ADAMTS3: variants seen among roughly 807,000 people sequenced by gnomAD.
The protein encoded by ADAMTS3 is A disintegrin and metalloproteinase with thrombospondin motifs 3.
In ADAMTS3, 73 loss-of-function variants were observed where a neutral mutation model predicts 129.0. That is an observed-to-expected ratio of 0.57 (90% confidence interval 0.47 to 0.69). ADAMTS3 has a LOEUF of 0.69. ADAMTS3 is among the 30% of genes least tolerant of loss of function. ADAMTS3 has a pLI of 0.00. For missense variants in ADAMTS3, 1,457 were observed against 1,514.5 expected, an observed-to-expected ratio of 0.96 and a Z score of 0.63; for synonymous variants, 477 against 510.8, an observed-to-expected ratio of 0.93 and a Z score of 0.89.
intron 3 of ADAMTS3, among the ~76,000 whole-genome samples, chr4:72,536,010 C>A (rs1020372831): frequency 3.3e-5 from 5 of 152,256 alleles, no homozygotes; most frequent in East Asian, 1.9e-4. Context: ...CTACATCACA[C>A]CACTGAAGGA....
rs140104982 is a variant in ADAMTS3 at position 72,314,606 on chromosome 4, A to G, written c.1600-784T>C. Among the ~76,000 whole-genome samples, 237 of 152,288 alleles carry G rather than the reference A, an allele frequency of 1.6e-3. 2 individuals carry two copies. The highest frequency in any genetic ancestry group is 5.5e-3 in the African/African-American group (229 of 41,568). On this transcript the variant is annotated intron_variant, in intron 11 of 21. Transcript: ENST00000286657. ...TTCTATAAATTTCAATATAACACCAATATATTTAAGAAAGTTGAATGTTAA... is the reference window on the plus strand; with the variant it reads ...TTCTATAAATTTCAATATAACACCAGTATATTTAAGAAAGTTGAATGTTAA...
At position 72,285,964 on chromosome 4, in the gene ADAMTS3, A is replaced by AT. The variant is rs113218302; in HGVS notation, c.3050-2261dup. 6.8e-3 allele frequency among the ~76,000 whole-genome samples: 1,031 copies of AT among 152,300 alleles called. 9 individuals carry two copies. Among genetic ancestry groups the AT allele is most frequent in the African/African-American group, 0.023 (971 of 41,558 alleles). ...ATTCTAATAGCAGTTTGAGATTCTG[A>AT]TAGAAAGTATTACTTATTTTACTTC... is the stretch of plus-strand genomic sequence containing the variant. On this transcript the variant is annotated intron_variant, in intron 21 of 21. Coordinates refer to ENST00000286657, the MANE Select transcript of ADAMTS3 (RefSeq NM_014243.3).
At chr4:72,489,127 T>C (rs1016570866) in intron 3 of ADAMTS3, among the ~76,000 whole-genome samples, 1 of 151,986 alleles carries the variant, frequency 6.6e-6, no homozygotes, top group Non-Finnish European at 1.5e-5. Context: ...TTTCTAAAGC[T>C]GAATAAAGGT....
chr4:72,435,972 G>T (rs1185996939), intron 3 of ADAMTS3, among the ~76,000 whole-genome samples: 3 of 151,978 alleles, frequency 2.0e-5, no homozygotes, highest in Non-Finnish European at 4.4e-5. Flanking sequence ...AACACCAAAA[G>T]CAATGGCAAC....
At position 72,343,259 on chromosome 4, in the gene ADAMTS3, G is replaced by A. The variant is rs186062002; in HGVS notation, c.662-3566C>T. On this transcript the variant is annotated intron_variant, in intron 4 of 21. Transcript: ENST00000286657. ...TGGCTGGCAAAGAGAAGGGAAGATG[G>A]AGCTGCCATGTTGGACATGCCTAGC... Among the ~76,000 whole-genome samples, 12 of 152,184 alleles carry A rather than the reference G, an allele frequency of 7.9e-5. No homozygotes were observed. The East Asian group carries it at 2.3e-3, about 29-fold the overall frequency.
chr4:72,430,156 A>T (rs1250504389), intron 3 of ADAMTS3, among the ~76,000 whole-genome samples: 1 of 152,052 alleles, frequency 6.6e-6, no homozygotes, highest in East Asian at 1.9e-4. Context: ...TGATTTTCCA[A>T]GTGTGACCTT....
intron 5 of ADAMTS3, among the ~76,000 whole-genome samples, chr4:72,335,536 CAACTT>C (rs1719967354): frequency 6.6e-6 from 1 of 152,142 alleles, no homozygotes; most frequent in East Asian, 1.9e-4. Flanking sequence ...AAATTAAAAA[CAACTT>C]AAACGTTCTA....
chr4:72,485,384 T>C (rs1419036806), intron 3 of ADAMTS3, among the ~76,000 whole-genome samples: 3 of 152,158 alleles, frequency 2.0e-5, no homozygotes, highest in Non-Finnish European at 2.9e-5. Context: ...AGAAGTGATA[T>C]AAATTTTTAA....
At chr4:72,513,785 C>T (rs190346425) in intron 3 of ADAMTS3, among the ~76,000 whole-genome samples, 2 of 152,082 alleles carry the variant, frequency 1.3e-5, no homozygotes, top group South Asian at 4.1e-4. Flanking sequence ...GTACCCATCA[C>T]CCACATAGAG....
At chr4:72,320,630 A>G in intron 7 of ADAMTS3, 84 bp downstream of exon 7, 2 of 1,414,026 alleles carry the variant, frequency 1.4e-6, no homozygotes, top group Admixed American at 1.9e-5. Flanking sequence ...TGGAGAGCAG[A>G]ACATTTGAAC....
chr4:72,451,146 A>G (rs1383940), intron 3 of ADAMTS3, among the ~76,000 whole-genome samples: 147,779 of 151,740 alleles, frequency 0.97, 72,104 homozygotes, highest in South Asian at 1. Flanking sequence ...GCCTTTGGGA[A>G]TGTCAAAGCC....
intron 4 of ADAMTS3, among the ~76,000 whole-genome samples, chr4:72,380,617 T>C (rs1196846632): frequency 6.6e-6 from 1 of 152,100 alleles, no homozygotes. Context: ...TAGTAAACAA[T>C]TTTTACCTGA....
intron 3 of ADAMTS3, among the ~76,000 whole-genome samples, chr4:72,509,976 C>T (rs1238246567): frequency 5.3e-5 from 8 of 151,526 alleles, no homozygotes; most frequent in African/African-American, 1.7e-4. Flanking sequence ...AATCAATCAG[C>T]GTGATACATC....
At chr4:72,523,412 T>G (rs966891467) in intron 3 of ADAMTS3, among the ~76,000 whole-genome samples, 2 of 152,054 alleles carry the variant, frequency 1.3e-5, no homozygotes, top group African/African-American at 4.8e-5. Flanking sequence ...GGGCATTCTA[T>G]TTTCCAGTGT....
At chr4:72,303,427 C>A (rs2109787683) in intron 17 of ADAMTS3, among the ~76,000 whole-genome samples, 1 of 152,086 alleles carries the variant, frequency 6.6e-6, no homozygotes, top group Non-Finnish European at 1.5e-5. Context: ...ACTAGCAACT[C>A]AAATTCTATA....
intron 2 of ADAMTS3, among the ~76,000 whole-genome samples, chr4:72,550,714 A>G (rs1418388353): frequency 7.2e-6 from 1 of 138,826 alleles, no homozygotes; most frequent in African/African-American, 2.7e-5. Flanking sequence ...CATGGTGAAT[A>G]CTTTTATAAA....
intron 3 of ADAMTS3, among the ~76,000 whole-genome samples, chr4:72,533,673 A>ATATGTATATATACATATCTATG (rs1164175826): frequency 2.0e-5 from 3 of 151,372 alleles, no homozygotes; most frequent in Non-Finnish European, 1.5e-5. Context: ...GTATATGCAC[A>ATATGTATATATACATATCTATG]TATATGCACA....
intron 3 of ADAMTS3, among the ~76,000 whole-genome samples, chr4:72,534,522 A>G (rs1721138931): frequency 6.6e-6 from 1 of 152,172 alleles, no homozygotes; most frequent in African/African-American, 2.4e-5. Flanking sequence ...GTTTTATTGG[A>G]AAAGGGAATC....
chr4:72,560,764 T>C (rs747418095), intron 2 of ADAMTS3, among the ~76,000 whole-genome samples: 11 of 152,202 alleles, frequency 7.2e-5, no homozygotes, highest in Non-Finnish European at 1.5e-4. Flanking sequence ...GATAGGTTGA[T>C]AGGTGCAGCA....
Sources: allele counts gnomAD v4.1 joint callset (sites outside exome capture counted in the v4.1 genomes callset), GRCh38; gene constraint gnomAD v4.1.1; transcripts MANE v1.5; gene names NCBI Gene and HGNC (gene_info 2026-07-23, HGNC 2026-07-21).